Variants in SPATA6L observed in about 807,000 individuals in gnomAD.
The protein encoded by SPATA6L is spermatogenesis associated 6 like.
A neutral mutation model predicts 49.2 loss-of-function variants in SPATA6L; 68 were observed. The observed-to-expected ratio is 1.38, with a 90% CI of 1.14 to 1.69. The LOEUF (loss-of-function observed/expected upper bound fraction) is 1.69, where lower values mean the gene tolerates loss of function less well. Among genes scored for constraint, SPATA6L ranks in the 40% most tolerant of loss-of-function variants. The pLI is 0.00. For synonymous variants in SPATA6L, 198 were observed against 165.7 expected (o/e 1.19, Z -1.50); for missense variants, 668 against 464.3 (o/e 1.44, Z -4.03).
intron 3 of SPATA6L, among the ~76,000 whole-genome samples, chr9:4,648,709 ATAAAT>A (rs879574344): frequency 0.021 from 1,902 of 88,484 alleles, 54 homozygotes; most frequent in African/African-American, 0.15. Flanking sequence ...CGAAAAATAA[ATAAAT>A]TAAATAAATA....
At chr9:4,639,498 G>A (rs1354496510) in intron 3 of SPATA6L, among the ~76,000 whole-genome samples, 20 of 152,180 alleles carry the variant, frequency 1.3e-4, no homozygotes, top group Admixed American at 1.3e-3. Flanking sequence ...AGGCTATGAA[G>A]CTTCTCAAGA....
Position 4,662,287 on chromosome 9 carries a change from G to A in SPATA6L, c.40-251C>T. The stretch of plus-strand genomic sequence containing the variant: ...GCCGGCTCCTCTCCCCGCCCCTCCG[G>A]GATGGTAGTGCGGAAGCGGAAGAGG... On this transcript the variant is annotated intron_variant, in intron 1 of 11. Transcript: ENST00000682582. The surrounding 1 kb of genome is among the most constrained non-coding windows in gnomAD (Gnocchi z 4.9). 7.0e-7 allele frequency: 1 copy of A among 1,434,580 alleles called. No homozygotes were observed. The allele number at this position is 1,434,580 out of a possible 1,614,324, so 88.9% of individuals were successfully genotyped here. A position where few individuals can be genotyped will look rare whatever the true frequency, so the allele number is the denominator to read the frequency against.
intron 9 of SPATA6L, 29 bp downstream of exon 9, chr9:4,617,894 A>G (rs1380756758): frequency 6.4e-7 from 1 of 1,555,324 alleles, no homozygotes; most frequent in East Asian, 2.3e-5. Flanking sequence ...TGCACTCGTC[A>G]GGCAAACAGA....
Position 4,635,144 on chromosome 9 carries a change from C to G in SPATA6L, c.351+131G>C, listed in dbSNP as rs1161006900. On this transcript the variant is annotated intron_variant, in intron 4 of 11. Coordinates refer to ENST00000682582, the MANE Select transcript of SPATA6L (RefSeq NM_001353486.2). Reference sequence around the variant, plus strand: ...TAATTTGGTACCTTGAGTTGGGCATCAAAACAGAGCTACTAAACAGAACAG... The same window carrying G: ...TAATTTGGTACCTTGAGTTGGGCATGAAAACAGAGCTACTAAACAGAACAG... The G allele has an allele frequency of 5.2e-6, 5 of 956,908 alleles. No homozygotes were observed. The East Asian group carries it at 1.2e-4, about 23-fold the overall frequency. 59.3% of individuals were successfully genotyped at this position (956,908 alleles called of 1,614,324 possible). A position where few individuals can be genotyped will look rare whatever the true frequency, so the allele number is the denominator to read the frequency against.
intron 4 of SPATA6L, among the ~76,000 whole-genome samples, chr9:4,631,385 T>C (rs1048394261): frequency 2.0e-5 from 3 of 152,104 alleles, no homozygotes; most frequent in African/African-American, 4.8e-5. Flanking sequence ...TGTGCAATCT[T>C]CTCATTGCCT....
chr9:4,603,534 T>C (rs1323508010), intron 11 of SPATA6L, among the ~76,000 whole-genome samples: 3 of 152,176 alleles, frequency 2.0e-5, no homozygotes, highest in Non-Finnish European at 4.4e-5. Flanking sequence ...CAGGTTCTTG[T>C]TCAGTGCACA....
intron 9 of SPATA6L, among the ~76,000 whole-genome samples, chr9:4,607,162 G>A (rs1343788144): frequency 3.3e-5 from 5 of 152,056 alleles, no homozygotes; most frequent in Admixed American, 6.6e-5. Flanking sequence ...CCAAATCTAC[G>A]TCTGATTGGT....
chr9:4,619,775 T>A (rs1828853804), intron 7 of SPATA6L, among the ~76,000 whole-genome samples: 1 of 152,098 alleles, frequency 6.6e-6, no homozygotes, highest in Non-Finnish European at 1.5e-5. Context: ...ATCACTATCA[T>A]GACCATAAAT....
In SPATA6L at chr9:4,630,217, G is replaced by A. The variant is rs144930098; in HGVS notation, c.352-1049C>T. Among the ~76,000 whole-genome samples the A allele has an allele frequency of 2.0e-3, 298 of 152,198 alleles. 3 individuals are homozygous for A. Among genetic ancestry groups the A allele is most frequent in the African/African-American group, 6.6e-3 (275 of 41,500 alleles). Reference sequence around the variant, plus strand: ...GATGGGATTGTTCTACATCCTGCTCGTAGCAGTGGTTTTACAAATCTATAC... The same window carrying A: ...GATGGGATTGTTCTACATCCTGCTCATAGCAGTGGTTTTACAAATCTATAC... On this transcript the variant is annotated intron_variant, in intron 4 of 11. Transcript: ENST00000682582.
At chr9:4,606,327 G>A (rs1825012124) in intron 9 of SPATA6L, among the ~76,000 whole-genome samples, 2 of 141,902 alleles carry the variant, frequency 1.4e-5, no homozygotes, top group Admixed American at 1.4e-4. Context: ...GCCTCTGTAG[G>A]CGCCACGTCT....
At chr9:4,652,809 C>G (rs1450908809) in intron 3 of SPATA6L, among the ~76,000 whole-genome samples, 1 of 148,020 alleles carries the variant, frequency 6.8e-6, no homozygotes, top group Non-Finnish European at 1.5e-5. Context: ...CGATTGCACT[C>G]CAGCCTAGGC....
chr9:4,657,846 G>T (rs1587508998), intron 2 of SPATA6L, among the ~76,000 whole-genome samples: 1 of 152,250 alleles, frequency 6.6e-6, no homozygotes, highest in East Asian at 1.9e-4. Context: ...TTCATTGGTG[G>T]CATCTGTTTG....
At chr9:4,653,805 T>C (rs1837470542) in intron 3 of SPATA6L, among the ~76,000 whole-genome samples, 1 of 152,128 alleles carries the variant, frequency 6.6e-6, no homozygotes, top group Non-Finnish European at 1.5e-5. Context: ...GGCATGGTGC[T>C]GTGCGCCTAT....
In SPATA6L at chr9:4,625,337, A is replaced by G. The variant is rs1481507698; in HGVS notation, c.659T>C (p.Val220Ala). 3 of 1,613,140 alleles carry G rather than the reference A, an allele frequency of 1.9e-6. No homozygotes were observed. Among genetic ancestry groups the G allele is most frequent in the Non-Finnish European group, 1.7e-6 (2 of 1,179,612 alleles). The change falls in exon 6 of 12, where the codon GTT becomes GCT. Residue 220 changes from valine to alanine, a missense_variant. Coordinates refer to ENST00000682582, the MANE Select transcript of SPATA6L (RefSeq NM_001353486.2). ...TAATTTTAGGCTCACGTGTCTAACA[A>G]CAAATGGAGGCTTGCTTCCTCCAGA... ...KISGGSKPPFVVRHVDSAKPF... is the reference protein window; with the variant it reads ...KISGGSKPPFAVRHVDSAKPF...
chr9:4,619,298 A>G (rs886374911), intron 7 of SPATA6L, among the ~76,000 whole-genome samples: 4 of 151,758 alleles, frequency 2.6e-5, no homozygotes, highest in African/African-American at 9.7e-5. Context: ...CTGGGATTAC[A>G]GATGCCCGCC....
intron 2 of SPATA6L, among the ~76,000 whole-genome samples, chr9:4,660,206 T>G (rs1839284790): frequency 6.6e-6 from 1 of 152,194 alleles, no homozygotes; most frequent in Admixed American, 6.5e-5. Context: ...AAAGAGCTTC[T>G]GCACAGCAAA....
intron 3 of SPATA6L, among the ~76,000 whole-genome samples, chr9:4,652,321 C>G (rs1837096217): frequency 6.6e-6 from 1 of 151,908 alleles, no homozygotes; most frequent in Admixed American, 6.6e-5. Flanking sequence ...ACTAGGGAGG[C>G]TGAGGCAGGA....
At chr9:4,634,044 A>T (rs1245799033) in intron 4 of SPATA6L, among the ~76,000 whole-genome samples, 1 of 152,174 alleles carries the variant, frequency 6.6e-6, no homozygotes, top group Non-Finnish European at 1.5e-5. Flanking sequence ...TATTTTTCCT[A>T]TTTATGACCA....
At chr9:4,629,840 C>G (rs369705342) in intron 4 of SPATA6L, among the ~76,000 whole-genome samples, 22 of 140,010 alleles carry the variant, frequency 1.6e-4, no homozygotes, top group Non-Finnish European at 2.7e-4. Flanking sequence ...AGGGTAGGTA[C>G]AATTATTACA....
Sources: allele counts gnomAD v4.1 joint callset (sites outside exome capture counted in the v4.1 genomes callset), GRCh38; gene constraint gnomAD v4.1.1; non-coding constraint Gnocchi (gnomAD v3.1); transcripts MANE v1.5; gene names NCBI Gene and HGNC (gene_info 2026-07-23, HGNC 2026-07-21).